HECTD4: variants seen among roughly 807,000 people sequenced by gnomAD.
HECTD4 encodes the protein HECT domain E3 ubiquitin protein ligase 4, also known as probable E3 ubiquitin-protein ligase HECTD4.
In HECTD4, 114 loss-of-function variants were observed where a neutral mutation model predicts 471.5. The observed-to-expected ratio is 0.24, with a 90% CI of 0.21 to 0.28. The LOEUF is 0.28. HECTD4 is among the 10% of genes least tolerant of loss of function. The pLI is 1.00. For synonymous variants in HECTD4, 2,012 were observed against 2,256.0 expected (o/e 0.89, Z 3.07); for missense variants, 3,866 against 5,651.5 (o/e 0.68, Z 10.13).
intron 1 of HECTD4, among the ~76,000 whole-genome samples, chr12:112,363,946 C>T (rs1432444895): frequency 5.9e-5 from 8 of 136,200 alleles, no homozygotes; most frequent in Non-Finnish European, 1.1e-4. Context: ...AAGCCGAGAT[C>T]GTACCCCTGC....
In HECTD4 at chr12:112,176,671, C is replaced by G; in HGVS notation, c.11395G>C (p.Val3799Leu). The G allele has an allele frequency of 6.2e-7, 1 of 1,613,996 alleles. No individual in the cohort carries two copies. The highest frequency in any genetic ancestry group is 8.5e-7 in the Non-Finnish European group (1 of 1,179,868). ...CTCTTTTCTGGTGATTTTGGCTTCA[C>G]AGTTGGCTTCTTCTCACTTAAGGCA... Reference protein sequence around the residue: ...RTALSEKKPTVKPKSPEKSKP... With the variant: ...RTALSEKKPTLKPKSPEKSKP... Residue 3799 changes from valine (V) to leucine (L), a missense_variant, in exon 65 of 76, where the codon GTG (valine) becomes CTG (leucine). By Grantham distance (32) the Val-to-Leu change is conservative. This residue lies in a region of HECTD4 where 715 missense variants were observed against 1,087.6 expected (regional missense o/e 0.66). Transcript: ENST00000682272.
chr12:112,226,892 T>C (rs2033254023), intron 43 of HECTD4, 134 bp from the exon 44 acceptor site: 1 of 571,702 alleles, frequency 1.7e-6, no homozygotes, highest in Non-Finnish European at 3.1e-6. Context: ...TCATCTTGCT[T>C]TTTTTTTCTG....
intron 43 of HECTD4, among the ~76,000 whole-genome samples, chr12:112,227,012 T>TTA (rs1398231232): frequency 6.6e-6 from 1 of 152,116 alleles, no homozygotes; most frequent in African/African-American, 2.4e-5. Flanking sequence ...CACCACTAAA[T>TTA]GGAGATACAA....
intron 1 of HECTD4, among the ~76,000 whole-genome samples, chr12:112,366,022 C>G (rs925107972): frequency 1.3e-5 from 2 of 152,020 alleles, no homozygotes; most frequent in African/African-American, 2.4e-5. Flanking sequence ...GCGATCCACC[C>G]GCCTCAGCCT....
Position 112,382,397 on chromosome 12 carries a change from A to C in HECTD4, c.-269T>G, listed in dbSNP as rs1272936681. The stretch of plus-strand genomic sequence containing the variant: ...GATCCGCCTCTGCCGCTCGGCAACC[A>C]ACTGTCAGTGAGACGCCATGTTGGG... On this transcript the variant is annotated 5_prime_UTR_variant, in exon 1 of 76. Coordinates refer to ENST00000682272, the MANE Select transcript of HECTD4 (RefSeq NM_001388303.1). 1.5e-4 allele frequency: 50 copies of C among 324,164 alleles called. No homozygotes were observed. Among genetic ancestry groups the C allele is most frequent in the Non-Finnish European group, 2.5e-4 (46 of 183,452 alleles). 20.1% of individuals were successfully genotyped at this position (324,164 alleles called of 1,614,324 possible).
chr12:112,172,318 C>A (rs927209863), intron 67 of HECTD4, among the ~76,000 whole-genome samples: 1 of 152,246 alleles, frequency 6.6e-6, no homozygotes, highest in African/African-American at 2.4e-5. Flanking sequence ...GCCTCTACTG[C>A]AAGTTATCAG....
chr12:112,311,196 A>C (rs2035362783), intron 4 of HECTD4, among the ~76,000 whole-genome samples: 1 of 151,934 alleles, frequency 6.6e-6, no homozygotes, highest in African/African-American at 2.4e-5. Flanking sequence ...TGGGAGGCAG[A>C]GGTTGCAGTG....
rs889044035 is a variant in HECTD4 at position 112,381,532 on chromosome 12, C to T, written c.177+420G>A. ...TAGGGAAGAAAAGGATGGGAGGGTA[C>T]ACAGCGTGAAAATCAAAATGTTCCC... On this transcript the variant is annotated intron_variant, in intron 1 of 75. Coordinates refer to ENST00000682272, the MANE Select transcript of HECTD4 (RefSeq NM_001388303.1). This position sits in a 1 kb window ranked among gnomAD's most constrained non-coding sequence, Gnocchi z 4.1. Among the ~76,000 whole-genome samples the T allele has an allele frequency of 9.9e-5, 15 of 152,254 alleles. No individual in the cohort carries two copies. The highest frequency in any genetic ancestry group is 3.6e-4 in the African/African-American group (15 of 41,542).
intron 23 of HECTD4, among the ~76,000 whole-genome samples, chr12:112,251,489 C>T (rs1322207871): frequency 6.6e-6 from 1 of 152,202 alleles, no homozygotes; most frequent in African/African-American, 2.4e-5. Context: ...CACTTCCACC[C>T]TGTGCTCAAA....
chr12:112,332,540 C>CAAAAAAAA (rs58503491), intron 1 of HECTD4, among the ~76,000 whole-genome samples: 1 of 63,020 alleles, frequency 1.6e-5, no homozygotes, highest in East Asian at 3.5e-4. Context: ...GACTCTGTCT[C>CAAAAAAAA]AAAAAAAAAA....
intron 1 of HECTD4, among the ~76,000 whole-genome samples, chr12:112,327,797 A>G (rs1017729869): frequency 2.0e-5 from 3 of 152,240 alleles, no homozygotes; most frequent in African/African-American, 4.8e-5. Flanking sequence ...GTACTTTGGC[A>G]GCAGTTAATT....
chr12:112,358,168 C>CA (rs1374392361), intron 1 of HECTD4, among the ~76,000 whole-genome samples: 3 of 152,120 alleles, frequency 2.0e-5, no homozygotes, highest in Non-Finnish European at 4.4e-5. Flanking sequence ...CACGCCACTG[C>CA]ACTTCAGCCT....
intron 53 of HECTD4, among the ~76,000 whole-genome samples, 168 bp from the exon 54 acceptor site, chr12:112,203,940 C>A (rs1198757220): frequency 1.3e-5 from 2 of 152,168 alleles, no homozygotes; most frequent in Non-Finnish European, 2.9e-5. Flanking sequence ...TATAACCAAG[C>A]AAGAACACAA....
chr12:112,233,726 C>A (rs2033438072), intron 37 of HECTD4, among the ~76,000 whole-genome samples: 1 of 152,122 alleles, frequency 6.6e-6, no homozygotes, highest in Non-Finnish European at 1.5e-5. Flanking sequence ...CTGAGGACAT[C>A]ATCTAAACCC....
chr12:112,180,621 C>G (rs2031633633), intron 62 of HECTD4, among the ~76,000 whole-genome samples: 2 of 151,592 alleles, frequency 1.3e-5, no homozygotes, highest in Admixed American at 6.6e-5. Context: ...CATGCAGTAC[C>G]AAAAGACCAG....
In HECTD4 at chr12:112,161,683, C is replaced by T. The variant is rs897687149; in HGVS notation, c.*704G>A. 2.6e-5 allele frequency: 4 copies of T among 152,178 alleles called. No individual in the cohort carries two copies. The highest frequency in any genetic ancestry group is 5.9e-5 in the Non-Finnish European group (4 of 68,076). 9.4% of individuals were successfully genotyped at this position (152,178 alleles called of 1,614,324 possible). ...AAGGTCGGGATGAACCCTTAAGTCT[C>T]CTGCTCCCGAGGAGGCCTCAGATGA... On this transcript the variant is annotated 3_prime_UTR_variant, in exon 76 of 76. Transcript: ENST00000682272.
At chr12:112,357,578 T>C (rs996949242) in intron 1 of HECTD4, among the ~76,000 whole-genome samples, 1 of 152,142 alleles carries the variant, frequency 6.6e-6, no homozygotes, top group Non-Finnish European at 1.5e-5. Flanking sequence ...TCTCACAAAT[T>C]AGCCTCTGAA....
chr12:112,173,315 C>T lies in HECTD4; in HGVS notation c.11595-454G>A, dbSNP rs2031302876. On this transcript the variant is annotated intron_variant, in intron 66 of 75. Coordinates refer to ENST00000682272, the MANE Select transcript of HECTD4 (RefSeq NM_001388303.1). This position sits in a 1 kb window ranked among gnomAD's most constrained non-coding sequence, Gnocchi z 4.3. ...AAGCGATCCTCCCACCTCAGCCTCC[C>T]CAGTAGCTGGGACCACAAGTGCGAG... Among the ~76,000 whole-genome samples, 1 of 151,512 alleles carries T rather than the reference C, an allele frequency of 6.6e-6. No homozygotes were observed. The highest frequency in any genetic ancestry group is 1.5e-5 in the Non-Finnish European group (1 of 67,864).
At position 112,243,727 on chromosome 12, in the gene HECTD4, A is replaced by C; in HGVS notation, c.4684T>G (p.Phe1562Val). The C allele has an allele frequency of 6.2e-7, 1 of 1,613,924 alleles. No individual in the cohort carries two copies. The highest frequency in any genetic ancestry group is 8.5e-7 in the Non-Finnish European group (1 of 1,179,812). Residue 1562 changes from phenylalanine (F) to valine (V), a missense_variant, in exon 31 of 76, where the codon TTT (phenylalanine) becomes GTT (valine). Around this residue, in one of 16 missense-constraint regions of HECTD4, gnomAD observed 229 missense variants for 386.4 expected, o/e 0.59. Transcript: ENST00000682272. This position sits in a 1 kb window ranked among gnomAD's most constrained non-coding sequence, Gnocchi z 6.6. ...RHVTSHRSSS[F>V]TLLQSLAIED... The stretch of plus-strand genomic sequence containing the variant: ...ATGGCCAGCGACTGCAGGAGTGTAA[A>C]GGAGCTGCTGCGGTGGCTGGTCACG...
Sources: allele counts gnomAD v4.1 joint callset (sites outside exome capture counted in the v4.1 genomes callset), GRCh38; gene constraint gnomAD v4.1.1; regional missense constraint gnomAD v4.1.1; non-coding constraint Gnocchi (gnomAD v3.1); transcripts MANE v1.5; gene names NCBI Gene and HGNC (gene_info 2026-07-23, HGNC 2026-07-21).